The following DPY19L3 variants were observed in gnomAD, a reference collection of about 807,000 sequenced individuals.
DPY19L3 encodes dpy-19 like C-mannosyltransferase 3, also known as protein C-mannosyl-transferase DPY19L3.
DPY19L3 carries 51 observed loss-of-function variants against 92.3 expected under a neutral mutation model. The ratio of observed to expected loss-of-function variants is 0.55; its 90% CI spans 0.44 to 0.70. The LOEUF (loss-of-function observed/expected upper bound fraction) is 0.70, where lower values mean the gene tolerates loss of function less well. DPY19L3 is among the 30% of genes least tolerant of loss of function. The probability of loss-of-function intolerance (pLI) is 0.00; values close to 1 mark genes in which losing one functional copy is unlikely to be tolerated. For synonymous variants in DPY19L3, 309 were observed against 315.2 expected, an observed-to-expected ratio of 0.98 and a Z score of 0.21; for missense variants, 706 against 855.9, an observed-to-expected ratio of 0.82 and a Z score of 2.18.
chr19:32,459,410 G>C (rs529763161), intron 12 of DPY19L3, among the ~76,000 whole-genome samples: 1 of 152,198 alleles, frequency 6.6e-6, no homozygotes, highest in Non-Finnish European at 1.5e-5. Context: ...AGCCACGAGA[G>C]AGCTGTCATT....
At chr19:32,437,021 G>A (rs891832689) in intron 5 of DPY19L3, among the ~76,000 whole-genome samples, 173 bp from the exon 6 acceptor site, 1 of 151,858 alleles carries the variant, frequency 6.6e-6, no homozygotes, top group African/African-American at 2.4e-5. Flanking sequence ...TCTTCTCGGT[G>A]GTGGGAAGAA....
chr19:32,433,023 T>C (rs1969021080), intron 4 of DPY19L3, among the ~76,000 whole-genome samples: 1 of 152,204 alleles, frequency 6.6e-6, no homozygotes, highest in South Asian at 2.1e-4. Context: ...CTCTGTTCCA[T>C]CCCAAAAGTA....
intron 3 of DPY19L3, among the ~76,000 whole-genome samples, chr19:32,420,757 T>C (rs1968542662): frequency 6.6e-6 from 1 of 152,214 alleles, no homozygotes; most frequent in African/African-American, 2.4e-5. Context: ...GCCATGTGTT[T>C]AATAAATTGT....
intron 18 of DPY19L3, chr19:32,481,374 T>G (rs1440538867): frequency 2.0e-5 from 3 of 152,192 alleles, no homozygotes; most frequent in Non-Finnish European, 2.9e-5. Context: ...GACATCCATT[T>G]AAATTTTGAT....
At chr19:32,471,571 C>T (rs2145621089) in intron 16 of DPY19L3, among the ~76,000 whole-genome samples, 1 of 152,292 alleles carries the variant, frequency 6.6e-6, no homozygotes, top group African/African-American at 2.4e-5. Context: ...TCCTCTTCAT[C>T]ACTCACACAC....
At chr19:32,406,643 C>T (rs775817569) in intron 1 of DPY19L3, among the ~76,000 whole-genome samples, 3 of 152,188 alleles carry the variant, frequency 2.0e-5, no homozygotes, top group Non-Finnish European at 4.4e-5. Flanking sequence ...CCGCCTCGCC[C>T]GGCTAGCGCT....
At chr19:32,438,943 GGAT>G (rs61070378) in intron 6 of DPY19L3, 166 bp from the exon 7 acceptor site, 36,573 of 674,824 alleles carry the variant, frequency 0.054, 3,173 homozygotes, top group African/African-American at 0.26. Flanking sequence ...TATGTTACAG[GGAT>G]GATGATGATG....
chr19:32,455,148 G>A, intron 10 of DPY19L3, 108 bp downstream of exon 10: 1 of 758,314 alleles, frequency 1.3e-6, no homozygotes, highest in Non-Finnish European at 2.0e-6. Context: ...TTGTTTTAGA[G>A]ACAGGGTCTT....
At chr19:32,468,585 A>C (rs1251321387) in intron 15 of DPY19L3, 146 bp from the exon 16 acceptor site, 1 of 1,344,270 alleles carries the variant, frequency 7.4e-7, no homozygotes, top group Non-Finnish European at 9.6e-7. Flanking sequence ...GGGTTGCTGC[A>C]GAGGTGAAAT....
chr19:32,474,009 G>A (rs908435786), intron 16 of DPY19L3, among the ~76,000 whole-genome samples: 18 of 152,054 alleles, frequency 1.2e-4, no homozygotes, highest in African/African-American at 3.9e-4. Context: ...CACCATGTTG[G>A]CCAGGCTGGT....
At chr19:32,437,617 G>T (rs1005055088) in intron 6 of DPY19L3, among the ~76,000 whole-genome samples, 53 of 152,062 alleles carry the variant, frequency 3.5e-4, no homozygotes, top group African/African-American at 1.3e-3. Flanking sequence ...GGGTGATCAA[G>T]ATTTCTCCAG....
chr19:32,435,398 T>C (rs1267331952), intron 4 of DPY19L3, among the ~76,000 whole-genome samples: 1 of 152,254 alleles, frequency 6.6e-6, no homozygotes, highest in East Asian at 1.9e-4. Flanking sequence ...AATCTTTTGC[T>C]GGTACAAATG....
intron 3 of DPY19L3, among the ~76,000 whole-genome samples, chr19:32,414,278 G>A (rs183354501): frequency 1.3e-5 from 2 of 152,084 alleles, no homozygotes; most frequent in Admixed American, 6.5e-5. Context: ...AAAATTACCC[G>A]GGCATGGTGG....
chr19:32,459,229 A>T (rs1215964379), intron 12 of DPY19L3, among the ~76,000 whole-genome samples: 1 of 152,204 alleles, frequency 6.6e-6, no homozygotes, highest in African/African-American at 2.4e-5. Flanking sequence ...AAGAATATCT[A>T]CCCATCAAGC....
chr19:32,406,857 T>G (rs1967972916), intron 1 of DPY19L3, among the ~76,000 whole-genome samples: 1 of 152,174 alleles, frequency 6.6e-6, no homozygotes, highest in Non-Finnish European at 1.5e-5. Flanking sequence ...CCTCTCACAC[T>G]TAGGGAGGAC....
intron 8 of DPY19L3, among the ~76,000 whole-genome samples, chr19:32,440,499 A>T (rs1969288805): frequency 6.6e-6 from 1 of 152,220 alleles, no homozygotes; most frequent in Non-Finnish European, 1.5e-5. Context: ...AGTAACTTAA[A>T]TATTTCCCAA....
intron 2 of DPY19L3, 140 bp from the exon 3 acceptor site, chr19:32,411,095 CAGAA>C: frequency 1.3e-6 from 1 of 764,350 alleles, no homozygotes; most frequent in Non-Finnish European, 2.1e-6. Context: ...TCTGTGGAAT[CAGAA>C]AGGACCCTCC....
At chr19:32,424,894 A>G (rs138627361) in intron 3 of DPY19L3, among the ~76,000 whole-genome samples, 2 of 152,332 alleles carry the variant, frequency 1.3e-5, no homozygotes, top group African/African-American at 2.4e-5. Context: ...ATATAAATCA[A>G]TGGAATAAAA....
chr19:32,410,198 C>T (rs1968129413), intron 2 of DPY19L3, among the ~76,000 whole-genome samples: 1 of 152,100 alleles, frequency 6.6e-6, no homozygotes, highest in African/African-American at 2.4e-5. Flanking sequence ...CATCTTCAGT[C>T]TGTTATTATT....
Sources: allele counts gnomAD v4.1 joint callset (sites outside exome capture counted in the v4.1 genomes callset), GRCh38; gene constraint gnomAD v4.1.1; transcripts MANE v1.5; gene names NCBI Gene and HGNC (gene_info 2026-07-23, HGNC 2026-07-21).